MCF2L2: variants seen among roughly 807,000 people sequenced by gnomAD.
The protein encoded by MCF2L2 is probable guanine nucleotide exchange factor MCF2L2.
Under a neutral mutation model 150.2 loss-of-function variants are expected in MCF2L2, and 102 were observed. The ratio of observed to expected loss-of-function variants is 0.68; its 90% confidence interval spans 0.58 to 0.80. The LOEUF is 0.80. Among genes scored for constraint, MCF2L2 ranks in the 30% least tolerant of loss-of-function variants. The pLI, the probability that MCF2L2 is intolerant of heterozygous loss-of-function variation, is 0.00. For synonymous variants in MCF2L2, 465 were observed against 491.3 expected (o/e 0.95, Z 0.71); for missense variants, 1,256 against 1,372.8 (o/e 0.91, Z 1.34).
intron 8 of MCF2L2, among the ~76,000 whole-genome samples, 157 bp downstream of exon 8, chr3:183,311,491 C>T (rs139081827): frequency 2.6e-5 from 4 of 152,262 alleles, no homozygotes; most frequent in East Asian, 1.9e-4. Context: ...GGATGCCAGA[C>T]GGACGTATTC....
chr3:183,273,228 T>C, intron 15 of MCF2L2: 1 of 384,044 alleles, frequency 2.6e-6, no homozygotes, highest in East Asian at 3.9e-5. Context: ...ATTGTTAAAA[T>C]TTTTTTACCT....
In MCF2L2 at chr3:183,224,166, TA is replaced by T; in HGVS notation, c.2139del (p.Phe713LeufsTer48). 6.2e-7 allele frequency: 1 copy of T among 1,613,358 alleles called. No homozygotes were observed. The highest frequency in any genetic ancestry group is 8.5e-7 in the Non-Finnish European group (1 of 1,179,306). The part of the protein sequence containing the change: ...LKRKEDLQIY[F>X]KYHKNLPRAR... ...GCTCGGGGCAGATTCTTATGGTATTTAAAATATATCTGAAGATCTTCTTTCT... is the reference window on the plus strand; with the variant it reads ...GCTCGGGGCAGATTCTTATGGTATTTAAATATATCTGAAGATCTTCTTTCT... On this transcript the variant is annotated frameshift_variant, in exon 19 of 30. Coordinates refer to ENST00000328913, the MANE Select transcript of MCF2L2 (RefSeq NM_015078.4). LOFTEE classifies it high-confidence loss of function.
Position 183,309,109 on chromosome 3 carries a change from G to A in MCF2L2, c.1113+607C>T, listed in dbSNP as rs559746862. 2.0e-5 allele frequency among the ~76,000 whole-genome samples: 3 copies of A among 152,270 alleles called. No homozygotes were observed. The South Asian group carries it at 6.2e-4, about 32-fold the overall frequency. ...GGATCTGGGACACTGTTTAATTCCA[G>A]TATGGGACTGTAAAATACATATTCT... On this transcript the variant is annotated intron_variant, in intron 10 of 29. Transcript: ENST00000328913.
chr3:183,210,018 T>C (rs554331302), intron 22 of MCF2L2, among the ~76,000 whole-genome samples: 32 of 152,166 alleles, frequency 2.1e-4, no homozygotes, highest in East Asian at 5.8e-4. Context: ...TATCTTACAA[T>C]GTATTCACTC....
intron 7 of MCF2L2, among the ~76,000 whole-genome samples, chr3:183,315,439 A>G (rs1197619651): frequency 1.3e-5 from 2 of 152,218 alleles, no homozygotes; most frequent in Non-Finnish European, 2.9e-5. Flanking sequence ...CATTTCTTTT[A>G]CTAAAAGGCC....
intron 3 of MCF2L2, among the ~76,000 whole-genome samples, chr3:183,345,741 A>G (rs1730872751): frequency 6.6e-6 from 1 of 152,244 alleles, no homozygotes; most frequent in African/African-American, 2.4e-5. Context: ...AGGGGGTATC[A>G]CCACTGATCC....
At chr3:183,395,369 G>T (rs1029657857) in intron 1 of MCF2L2, among the ~76,000 whole-genome samples, 8 of 152,286 alleles carry the variant, frequency 5.3e-5, no homozygotes, top group African/African-American at 1.9e-4. Context: ...AACCAAGCGT[G>T]TGATATGTTT....
intron 5 of MCF2L2, among the ~76,000 whole-genome samples, chr3:183,330,253 AAAAAAAAAAAG>A (rs943291647): frequency 1.3e-5 from 2 of 151,228 alleles, no homozygotes; most frequent in African/African-American, 4.9e-5. Context: ...TTGAAAAAAA[AAAAAAAAAAAG>A]AAGAAGAAAA....
intron 5 of MCF2L2, among the ~76,000 whole-genome samples, chr3:183,325,035 C>A (rs1729965835): frequency 8.6e-6 from 1 of 116,558 alleles, no homozygotes; most frequent in South Asian, 2.5e-4. Context: ...AAAACCAAAG[C>A]ATGTTCTCAC....
intron 18 of MCF2L2, chr3:183,226,111 T>A (rs139068014): frequency 1.3e-5 from 2 of 152,202 alleles, no homozygotes; most frequent in African/African-American, 4.8e-5. Flanking sequence ...ATATAGAACA[T>A]GGTCTCTGGA....
At chr3:183,340,371 C>T (rs1730648409) in intron 4 of MCF2L2, among the ~76,000 whole-genome samples, 1 of 152,122 alleles carries the variant, frequency 6.6e-6, no homozygotes, top group Admixed American at 6.5e-5. Context: ...CCTCTTTAGC[C>T]AGTCCCAACT....
At chr3:183,424,100 A>T (rs1458324582) in intron 1 of MCF2L2, among the ~76,000 whole-genome samples, 1 of 152,226 alleles carries the variant, frequency 6.6e-6, no homozygotes, top group Non-Finnish European at 1.5e-5. Context: ...AGATATTTCA[A>T]CAACCGAAAA....
At chr3:183,322,674 G>A (rs1288078664) in intron 6 of MCF2L2, among the ~76,000 whole-genome samples, 2 of 152,124 alleles carry the variant, frequency 1.3e-5, no homozygotes, top group Non-Finnish European at 2.9e-5. Flanking sequence ...TACATGTGCA[G>A]GTTTGTTACA....
chr3:183,180,049 GAAAC>G lies in MCF2L2; in HGVS notation c.3105+18_3105+21del, dbSNP rs776049530. On this transcript the variant is annotated intron_variant, in intron 28 of 29. Coordinates refer to ENST00000328913, the MANE Select transcript of MCF2L2 (RefSeq NM_015078.4). ...ATAGGAAGGAGGGAAGAAGATGAAAGAAACAAAAGGGAAGTAATTACACTCAGAG... is the reference window on the plus strand; with the variant it reads ...ATAGGAAGGAGGGAAGAAGATGAAAGAAAAGGGAAGTAATTACACTCAGAG... 5 of 1,587,004 alleles carry G rather than the reference GAAAC, an allele frequency of 3.2e-6. No homozygotes were observed. In the South Asian group the frequency reaches 5.5e-5, roughly 18 times the overall value.
At chr3:183,185,767 G>A (rs1721671533) in intron 27 of MCF2L2, among the ~76,000 whole-genome samples, 1 of 152,202 alleles carries the variant, frequency 6.6e-6, no homozygotes. Context: ...GAGTATAAAC[G>A]TGGATATCTT....
chr3:183,346,513 C>T (rs181373537), intron 3 of MCF2L2, among the ~76,000 whole-genome samples: 2 of 152,280 alleles, frequency 1.3e-5, no homozygotes, highest in Admixed American at 1.3e-4. Flanking sequence ...GACAAGGATG[C>T]CCTCTCTCAC....
chr3:183,250,688 A>G (rs1442318130), intron 15 of MCF2L2, among the ~76,000 whole-genome samples: 1 of 152,072 alleles, frequency 6.6e-6, no homozygotes, highest in Non-Finnish European at 1.5e-5. Context: ...ACACCAAGGA[A>G]GGCTGCGTGT....
chr3:183,371,835 G>A (rs1195878862), intron 3 of MCF2L2, among the ~76,000 whole-genome samples: 2 of 151,960 alleles, frequency 1.3e-5, no homozygotes, highest in African/African-American at 4.8e-5. Flanking sequence ...TAGAGGAATA[G>A]TCACTTATGC....
At chr3:183,323,449 T>C (rs1047014832) in intron 5 of MCF2L2, 98 bp from the exon 6 acceptor site, 5 of 467,632 alleles carry the variant, frequency 1.1e-5, no homozygotes, top group African/African-American at 1.0e-4. Context: ...TTATATTCTA[T>C]TATTATTTAA....
Sources: allele counts gnomAD v4.1 joint callset (sites outside exome capture counted in the v4.1 genomes callset), GRCh38; gene constraint gnomAD v4.1.1; transcripts MANE v1.5; gene names NCBI Gene and HGNC (gene_info 2026-07-23, HGNC 2026-07-21).